PTPRE: variants seen among roughly 807,000 people sequenced by gnomAD.
PTPRE encodes receptor-type tyrosine-protein phosphatase epsilon.
PTPRE carries 51 observed loss-of-function variants against 102.0 expected under a neutral mutation model. That is an observed-to-expected ratio of 0.50 (90% CI 0.40 to 0.63). The LOEUF (loss-of-function observed/expected upper bound fraction) is 0.63, where lower values mean the gene tolerates loss of function less well. Ranked by LOEUF, PTPRE falls within the 30% of genes least tolerant of loss-of-function variation. PTPRE has a pLI of 0.00. For synonymous variants in PTPRE, 345 were observed against 348.2 expected, an observed-to-expected ratio of 0.99 and a Z score of 0.10; for missense variants, 752 against 915.1, an observed-to-expected ratio of 0.82 and a Z score of 2.30.
intron 3 of PTPRE, among the ~76,000 whole-genome samples, chr10:128,043,819 G>A (rs1847895162): frequency 6.6e-6 from 1 of 152,152 alleles, no homozygotes; most frequent in Admixed American, 6.5e-5. Context: ...GCTTATCTGG[G>A]CTGACATGGA....
intron 15 of PTPRE, 183 bp downstream of exon 15, chr10:128,071,084 A>G (rs144505979): frequency 0.025 from 15,506 of 620,702 alleles, 248 homozygotes; most frequent in Non-Finnish European, 0.033. Flanking sequence ...GACACCTGTG[A>G]AGCACCAGCT....
intron 8 of PTPRE, 96 bp downstream of exon 8, chr10:128,061,111 C>A: frequency 8.0e-7 from 1 of 1,257,334 alleles, no homozygotes; most frequent in Non-Finnish European, 1.1e-6. Flanking sequence ...TTGTCACAAC[C>A]TTTCTGGGCA....
At chr10:128,078,545 A>G (rs948458140) in intron 19 of PTPRE, among the ~76,000 whole-genome samples, 1 of 152,076 alleles carries the variant, frequency 6.6e-6, no homozygotes, top group Non-Finnish European at 1.5e-5. Flanking sequence ...CTGCAGTTCC[A>G]TGGCTTGTCT....
In PTPRE at chr10:128,008,193, G is replaced by C. The variant is rs13376883; in HGVS notation, c.-8+25897G>C. Among the ~76,000 whole-genome samples, 26,083 of 152,080 alleles carry C rather than the reference G, an allele frequency of 0.17. 2,475 individuals carry two copies. Among genetic ancestry groups the C allele is most frequent in the African/African-American group, 0.23 (9,734 of 41,476 alleles). On this transcript the variant is annotated intron_variant, in intron 2 of 20. Transcript: ENST00000254667. This position sits in a 1 kb window ranked among gnomAD's most constrained non-coding sequence, Gnocchi z 4.0. ...GGGAAACAGTGCATCCACCATCTCT[G>C]TCTGCAGCCCCGCTGGCTCGTCCGC...
chr10:128,051,452 G>A (rs545886065), intron 6 of PTPRE, among the ~76,000 whole-genome samples: 66 of 152,304 alleles, frequency 4.3e-4, no homozygotes, highest in African/African-American at 1.5e-3. Flanking sequence ...AAAATAACAC[G>A]ACCATAAAGG....
At chr10:128,045,048 C>T (rs987424696) in intron 3 of PTPRE, among the ~76,000 whole-genome samples, 1 of 152,242 alleles carries the variant, frequency 6.6e-6, no homozygotes, top group Admixed American at 6.5e-5. Flanking sequence ...CTCTCGCCCC[C>T]ACCTGGCCTC....
chr10:128,036,189 C>G (rs573800679), intron 2 of PTPRE, among the ~76,000 whole-genome samples: 1 of 152,024 alleles, frequency 6.6e-6, no homozygotes, highest in East Asian at 1.9e-4. Context: ...AGTCTCCTGC[C>G]GAGCTCCCTT....
chr10:127,967,465 C>A (rs1427126851), intron 1 of PTPRE, among the ~76,000 whole-genome samples: 1 of 152,104 alleles, frequency 6.6e-6, no homozygotes, highest in Non-Finnish European at 1.5e-5. Context: ...AAGGGCAGTT[C>A]CCCTGCACAC....
chr10:128,035,738 G>A (rs1847159317), intron 2 of PTPRE, among the ~76,000 whole-genome samples: 1 of 152,240 alleles, frequency 6.6e-6, no homozygotes, highest in African/African-American at 2.4e-5. Context: ...CAGCTGGAAA[G>A]GGCACTTTCG....
intron 1 of PTPRE, among the ~76,000 whole-genome samples, chr10:127,949,197 G>T (rs923304044): frequency 6.6e-6 from 1 of 152,136 alleles, no homozygotes; most frequent in Non-Finnish European, 1.5e-5. Flanking sequence ...TCTTCAGCTT[G>T]AAGATGGCCT....
intron 2 of PTPRE, chr10:127,999,295 C>G (rs901486746): frequency 6.5e-6 from 1 of 152,928 alleles, no homozygotes; most frequent in Admixed American, 6.5e-5. Context: ...GCTCAAGAGC[C>G]CTTTTGTGTT....
At chr10:128,010,776 C>T (rs866852742) in intron 2 of PTPRE, among the ~76,000 whole-genome samples, 3 of 151,884 alleles carry the variant, frequency 2.0e-5, no homozygotes, top group African/African-American at 4.8e-5. Flanking sequence ...TATTTTTAGT[C>T]GAGATGGGGT....
intron 2 of PTPRE, among the ~76,000 whole-genome samples, chr10:128,010,742 C>T (rs1460165177): frequency 6.6e-6 from 1 of 152,046 alleles, no homozygotes; most frequent in Non-Finnish European, 1.5e-5. Flanking sequence ...CAGGTGCCCG[C>T]GGACACGCCC....
chr10:128,060,227 T>C (rs1849441523), intron 7 of PTPRE, among the ~76,000 whole-genome samples: 1 of 132,870 alleles, frequency 7.5e-6, no homozygotes, highest in Non-Finnish European at 1.6e-5. Context: ...ACACCACACA[T>C]TACACACATA....
chr10:128,024,837 G>A (rs1264932508), intron 2 of PTPRE, among the ~76,000 whole-genome samples: 1 of 152,098 alleles, frequency 6.6e-6, no homozygotes, highest in Admixed American at 6.6e-5. Context: ...TAATCCACAG[G>A]TGTGCACTTG....
intron 1 of PTPRE, among the ~76,000 whole-genome samples, chr10:127,952,937 C>G (rs1398165111): frequency 2.0e-5 from 3 of 152,154 alleles, no homozygotes; most frequent in Non-Finnish European, 2.9e-5. Flanking sequence ...AATTTAGGTG[C>G]CTCCTACCTC....
Position 127,944,496 on chromosome 10 carries a change from A to ATGGATGGATGGATGGATGGATAAG in PTPRE, c.-31+37206_-31+37207insATAAGTGGATGGATGGATGGATGG, listed in dbSNP as rs1564816488. The stretch of plus-strand genomic sequence containing the variant: ...GATGGATGGATGGATGGATGGATGG[A>ATGGATGGATGGATGGATGGATAAG]TGGATGGATGGATGGATGGGTGGAT... On this transcript the variant is annotated intron_variant, in intron 1 of 20. Coordinates refer to ENST00000254667, the MANE Select transcript of PTPRE (RefSeq NM_006504.6). This position sits in a 1 kb window ranked among gnomAD's most constrained non-coding sequence, Gnocchi z 4.2. Among the ~76,000 whole-genome samples the ATGGATGGATGGATGGATGGATAAG allele has an allele frequency of 5.7e-5, 5 of 88,204 alleles. No individual in the cohort carries two copies. Among genetic ancestry groups the ATGGATGGATGGATGGATGGATAAG allele is most frequent in the Non-Finnish European group, 9.7e-5 (4 of 41,230 alleles). 57.9% of individuals were successfully genotyped at this position (88,204 alleles called of 152,430 possible).
At chr10:128,034,331 C>CA (rs1300936208) in intron 2 of PTPRE, among the ~76,000 whole-genome samples, 2 of 151,784 alleles carry the variant, frequency 1.3e-5, no homozygotes, top group Non-Finnish European at 2.9e-5. Flanking sequence ...CACCACCCCC[C>CA]CCACCGACAC....
chr10:127,931,942 CT>C (rs944197991), intron 1 of PTPRE, among the ~76,000 whole-genome samples: 2 of 152,244 alleles, frequency 1.3e-5, no homozygotes, highest in East Asian at 3.9e-4. Flanking sequence ...TTTTAAAAGA[CT>C]TTTGTGGACC....
Sources: gnomAD v4.1 joint callset for allele counts (sites outside exome capture counted in the v4.1 genomes callset) on GRCh38, gnomAD v4.1.1 for gene constraint, Gnocchi (gnomAD v3.1) non-coding constraint, MANE v1.5 for transcripts, NCBI Gene and HGNC (gene_info 2026-07-23, HGNC 2026-07-21) for gene names.